The following MAGI2 variants were observed in gnomAD, a reference collection of about 807,000 sequenced individuals.
MAGI2 encodes membrane associated guanylate kinase, WW and PDZ domain containing 2, also known as membrane-associated guanylate kinase, WW and PDZ domain-containing protein 2.
A neutral mutation model predicts 133.3 loss-of-function variants in MAGI2; 35 were observed. The observed-to-expected ratio is 0.26, with a 90% CI of 0.20 to 0.35. The LOEUF is 0.35. Ranked by LOEUF, MAGI2 falls within the 10% of genes least tolerant of loss-of-function variation. MAGI2 has a pLI of 1.00. For synonymous variants in MAGI2, 729 were observed against 710.6 expected (o/e 1.03, Z -0.41); for missense variants, 1,636 against 1,863.4 (o/e 0.88, Z 2.25).
intron 2 of MAGI2, among the ~76,000 whole-genome samples, chr7:78,758,360 G>A (rs1824168538): frequency 6.6e-6 from 1 of 152,064 alleles, no homozygotes; most frequent in South Asian, 2.1e-4. Flanking sequence ...AATGAAGTAT[G>A]CTAGAAATAG....
intron 2 of MAGI2, among the ~76,000 whole-genome samples, chr7:78,987,145 G>A (rs12537793): frequency 0.64 from 96,674 of 151,874 alleles, 31,024 homozygotes; most frequent in East Asian, 0.82. Flanking sequence ...GATGAATAAT[G>A]TGGTATTTCT....
intron 21 of MAGI2, among the ~76,000 whole-genome samples, chr7:78,022,982 T>C (rs2151040186): frequency 6.6e-6 from 1 of 152,382 alleles, no homozygotes; most frequent in East Asian, 1.9e-4. Flanking sequence ...TAAGATTTAC[T>C]ATATCACAAA....
intron 2 of MAGI2, among the ~76,000 whole-genome samples, chr7:78,944,972 C>A (rs964463067): frequency 2.0e-5 from 3 of 152,050 alleles, no homozygotes; most frequent in African/African-American, 2.4e-5. Flanking sequence ...CTCCTGGGCT[C>A]AGGCGATCTG....
intron 2 of MAGI2, among the ~76,000 whole-genome samples, chr7:78,887,678 ATT>A (rs927033271): frequency 2.0e-5 from 3 of 152,238 alleles, no homozygotes; most frequent in African/African-American, 7.2e-5. Flanking sequence ...CAATATAATT[ATT>A]GTTTTATCAA....
chr7:78,661,311 T>C (rs1321121766), intron 2 of MAGI2, among the ~76,000 whole-genome samples: 1 of 152,190 alleles, frequency 6.6e-6, no homozygotes, highest in African/African-American at 2.4e-5. Flanking sequence ...TTTATGGAGA[T>C]ACCTTTAAAC....
intron 2 of MAGI2, among the ~76,000 whole-genome samples, chr7:78,668,222 C>T (rs1813875369): frequency 6.6e-6 from 1 of 151,928 alleles, no homozygotes; most frequent in African/African-American, 2.4e-5. Flanking sequence ...TGTCCTTCGC[C>T]CACTTTTTGA....
At chr7:78,912,733 C>T (rs1638999269) in intron 2 of MAGI2, among the ~76,000 whole-genome samples, 2 of 144,156 alleles carry the variant, frequency 1.4e-5, no homozygotes, top group Admixed American at 7.0e-5. Flanking sequence ...ATATATCATT[C>T]ATATATATAT....
At chr7:78,584,745 A>G (rs1247571985) in intron 3 of MAGI2, among the ~76,000 whole-genome samples, 2 of 152,196 alleles carry the variant, frequency 1.3e-5, no homozygotes, top group Admixed American at 1.3e-4. Flanking sequence ...GGAGGTGGTG[A>G]TAAAGTGCCT....
chr7:79,139,687 G>A (rs974821424), intron 1 of MAGI2: 2 of 152,182 alleles, frequency 1.3e-5, no homozygotes, highest in East Asian at 3.9e-4. Context: ...AGTGGATGAA[G>A]ATACATGTCT....
At chr7:78,937,040 G>C (rs945319710) in intron 2 of MAGI2, among the ~76,000 whole-genome samples, 2 of 151,790 alleles carry the variant, frequency 1.3e-5, no homozygotes, top group African/African-American at 2.4e-5. Flanking sequence ...AAGGAACCAG[G>C]GTTCCTTAGA....
intron 2 of MAGI2, among the ~76,000 whole-genome samples, chr7:78,636,432 C>A (rs549843369): frequency 6.7e-6 from 1 of 148,554 alleles, no homozygotes; most frequent in South Asian, 2.1e-4. Context: ...CATATGGCAT[C>A]AATTACTGTT....
chr7:78,950,072 T>C (rs1801744889), intron 2 of MAGI2, among the ~76,000 whole-genome samples: 1 of 152,110 alleles, frequency 6.6e-6, no homozygotes, highest in South Asian at 2.1e-4. Context: ...CTCCTCTGCA[T>C]CTCCTCCCCT....
chr7:78,748,117 C>T (rs1274764431), intron 2 of MAGI2, among the ~76,000 whole-genome samples: 1 of 151,424 alleles, frequency 6.6e-6, no homozygotes, highest in Non-Finnish European at 1.5e-5. Flanking sequence ...CTGAGTAAGC[C>T]CAGGTTTGAT....
chr7:79,313,197 C>T (rs1340814557), intron 1 of MAGI2, among the ~76,000 whole-genome samples: 2 of 152,078 alleles, frequency 1.3e-5, no homozygotes, highest in Non-Finnish European at 2.9e-5. Flanking sequence ...TTCTTGTAAG[C>T]CTTTGTAAGC....
intron 16 of MAGI2, among the ~76,000 whole-genome samples, chr7:78,144,698 G>C (rs1265131433): frequency 1.3e-5 from 2 of 152,050 alleles, no homozygotes; most frequent in South Asian, 2.1e-4. Context: ...TGCCATCGTG[G>C]GGATTGTTGT....
intron 2 of MAGI2, among the ~76,000 whole-genome samples, chr7:78,914,154 A>G (rs1305579788): frequency 2.0e-5 from 3 of 152,194 alleles, no homozygotes; most frequent in Non-Finnish European, 4.4e-5. Flanking sequence ...TGCCCCTTCA[A>G]ATGAACTGTA....
chr7:79,287,110 T>G (rs1467318213), intron 1 of MAGI2, among the ~76,000 whole-genome samples: 1 of 151,996 alleles, frequency 6.6e-6, no homozygotes, highest in African/African-American at 2.4e-5. Flanking sequence ...CCTCAGAGGG[T>G]GGTCCTTGAA....
chr7:79,041,951 T>C (rs1169187225), intron 1 of MAGI2, among the ~76,000 whole-genome samples: 1 of 152,126 alleles, frequency 6.6e-6, no homozygotes, highest in Admixed American at 6.5e-5. Context: ...CAAGCCAAGA[T>C]TTCTTTGACA....
chr7:79,299,580 T>C (rs960422441), intron 1 of MAGI2, among the ~76,000 whole-genome samples: 2 of 82,618 alleles, frequency 2.4e-5, no homozygotes, highest in African/African-American at 7.6e-5. Context: ...AAAAGATATC[T>C]TTATTGTCCA....
Sources: gnomAD v4.1 joint callset for allele counts (sites outside exome capture counted in the v4.1 genomes callset) on GRCh38, gnomAD v4.1.1 for gene constraint, MANE v1.5 for transcripts, NCBI Gene and HGNC (gene_info 2026-07-23, HGNC 2026-07-21) for gene names.